Variants in ERCC6L2 observed in about 807,000 individuals in gnomAD.
ERCC6L2 encodes the protein DNA excision repair protein ERCC-6-like 2.
In ERCC6L2, 77 loss-of-function variants were observed where a neutral mutation model predicts 132.0. The observed-to-expected ratio is 0.58, with a 90% CI of 0.49 to 0.71. The LOEUF is 0.71. Among genes scored for constraint, ERCC6L2 ranks in the 30% least tolerant of loss-of-function variants. The pLI is 0.00. For synonymous variants in ERCC6L2, 583 were observed against 632.4 expected (o/e 0.92, Z 1.17); for missense variants, 1,542 against 1,837.6 (o/e 0.84, Z 2.94).
At chr9:96,030,143 G>A (rs971923436) in intron 19 of ERCC6L2, among the ~76,000 whole-genome samples, 9 of 152,116 alleles carry the variant, frequency 5.9e-5, no homozygotes, top group South Asian at 2.1e-4. Context: ...TCATCGCTCC[G>A]TGGCTAGCTA....
intron 2 of ERCC6L2, among the ~76,000 whole-genome samples, chr9:95,891,685 C>T (rs1828175302): frequency 6.6e-6 from 1 of 151,958 alleles, no homozygotes; most frequent in African/African-American, 2.4e-5. Context: ...TTTCCTATGC[C>T]TCCACATCAT....
intron 2 of ERCC6L2, among the ~76,000 whole-genome samples, chr9:95,889,776 A>G (rs1157024431): frequency 2.0e-5 from 3 of 152,192 alleles, no homozygotes; most frequent in South Asian, 2.1e-4. Flanking sequence ...CAAGGAATTC[A>G]GTAAATTCTA....
intron 15 of ERCC6L2, among the ~76,000 whole-genome samples, chr9:95,971,197 A>G (rs559684283): frequency 2.0e-5 from 3 of 152,202 alleles, no homozygotes; most frequent in Admixed American, 6.5e-5. Flanking sequence ...GTTTGTTTTT[A>G]GAGTCTTAAC....
chr9:95,938,599 T>G (rs1001782339), intron 11 of ERCC6L2, among the ~76,000 whole-genome samples: 1 of 152,168 alleles, frequency 6.6e-6, no homozygotes, highest in Non-Finnish European at 1.5e-5. Context: ...TTAACTTTCT[T>G]TGCTCTGACA....
intron 17 of ERCC6L2, among the ~76,000 whole-genome samples, chr9:95,986,219 TAGA>T (rs1225402446): frequency 1.3e-5 from 2 of 152,192 alleles, no homozygotes; most frequent in African/African-American, 4.8e-5. Flanking sequence ...GTGCAGGCAA[TAGA>T]ATAACCATCA....
chr9:96,023,219 AG>A (rs1834318768), downstream of ERCC6L2, among the ~76,000 whole-genome samples: 1 of 152,176 alleles, frequency 6.6e-6, no homozygotes, highest in Non-Finnish European at 1.5e-5. Context: ...CAGAGACAAC[AG>A]GACTCTGGAA....
chr9:95,880,844 A>C, intron 1 of ERCC6L2, 25 bp from the exon 2 acceptor site: 1 of 1,566,204 alleles, frequency 6.4e-7, no homozygotes, highest in Admixed American at 2.0e-5. Context: ...TAGCTTTGGA[A>C]ACTTTATTTT....
rs946652520 is a variant in ERCC6L2, at chr9:96,015,028, T to G, written c.*1825T>G. On this transcript the variant is annotated 3_prime_UTR_variant, in exon 19 of 19. Coordinates refer to ENST00000653738, the MANE Select transcript of ERCC6L2 (RefSeq NM_020207.7). ...CATATATGTACAGTTTTTTTTTTTT[T>G]TTTTTTTTTTTTGAGATTGAGTCTC... 1.6e-5 allele frequency among the ~76,000 whole-genome samples: 2 copies of G among 127,494 alleles called. No homozygotes were observed. The highest frequency in any genetic ancestry group is 2.2e-4 in the East Asian group (1 of 4,546). 83.6% of individuals were successfully genotyped at this position (127,494 alleles called of 152,430 possible).
intron 12 of ERCC6L2, among the ~76,000 whole-genome samples, chr9:95,946,678 A>G (rs2132917154): frequency 1.3e-5 from 2 of 152,330 alleles, no homozygotes; most frequent in Admixed American, 1.3e-4. Context: ...TTCACAGATA[A>G]TTGCCTTGTT....
At chr9:95,943,484 G>C (rs979577919) in intron 12 of ERCC6L2, among the ~76,000 whole-genome samples, 9 of 152,066 alleles carry the variant, frequency 5.9e-5, no homozygotes, top group African/African-American at 2.2e-4. Context: ...TGTTTATGTA[G>C]ATGTAGAATG....
At chr9:95,879,238 C>T (rs953299784) in intron 1 of ERCC6L2, among the ~76,000 whole-genome samples, 2 of 152,158 alleles carry the variant, frequency 1.3e-5, no homozygotes, top group Non-Finnish European at 2.9e-5. Flanking sequence ...CTTTGATTTG[C>T]ATTTCTCTGA....
At chr9:95,900,190 C>T (rs930223684) in intron 3 of ERCC6L2, among the ~76,000 whole-genome samples, 5 of 151,848 alleles carry the variant, frequency 3.3e-5, no homozygotes, top group African/African-American at 7.3e-5. Flanking sequence ...GACCGGCCTG[C>T]GCACCATAAG....
At chr9:95,928,940 C>A in intron 11 of ERCC6L2, 76 bp downstream of exon 11, 4 of 1,159,046 alleles carry the variant, frequency 3.5e-6, no homozygotes, top group Middle Eastern at 2.9e-4. Flanking sequence ...AAAACTATTA[C>A]TGGATTAATT....
intron 5 of ERCC6L2, 104 bp downstream of exon 5, chr9:95,915,933 T>A: frequency 8.6e-7 from 1 of 1,167,578 alleles, no homozygotes; most frequent in Non-Finnish European, 1.2e-6. Context: ...GTCATTTGTC[T>A]GGTTTTAGAT....
chr9:95,965,809 C>T (rs751123269), intron 13 of ERCC6L2, among the ~76,000 whole-genome samples: 5 of 152,150 alleles, frequency 3.3e-5, no homozygotes, highest in Non-Finnish European at 5.9e-5. Flanking sequence ...TTGCACCCGG[C>T]CCTTAAGCAT....
chr9:95,990,012 CAG>C (rs1833235887), intron 17 of ERCC6L2, among the ~76,000 whole-genome samples: 1 of 152,114 alleles, frequency 6.6e-6, no homozygotes, highest in South Asian at 2.1e-4. Context: ...CATTGGACAA[CAG>C]AGAGCAGTAA....
At chr9:95,890,815 C>T (rs985599525) in intron 2 of ERCC6L2, among the ~76,000 whole-genome samples, 3 of 152,168 alleles carry the variant, frequency 2.0e-5, no homozygotes, top group Middle Eastern at 3.4e-3. Context: ...ACTACAGATG[C>T]GCACTACCAG....
At chr9:95,899,598 A>ATGTGTGTGTG (rs763050798) in intron 3 of ERCC6L2, among the ~76,000 whole-genome samples, 74 of 113,264 alleles carry the variant, frequency 6.5e-4, no homozygotes, top group Middle Eastern at 4.7e-3. Flanking sequence ...CTTTATATAT[A>ATGTGTGTGTG]TATGTGTGTG....
At chr9:95,914,068 G>A (rs572729189) in intron 4 of ERCC6L2, among the ~76,000 whole-genome samples, 96 of 152,218 alleles carry the variant, frequency 6.3e-4, no homozygotes, top group African/African-American at 2.3e-3. Flanking sequence ...TTAAGAAACC[G>A]CCATCTGTTT....
Sources: gnomAD v4.1 joint callset for allele counts (sites outside exome capture counted in the v4.1 genomes callset) on GRCh38, gnomAD v4.1.1 for gene constraint, MANE v1.5 for transcripts, NCBI Gene and HGNC (gene_info 2026-07-23, HGNC 2026-07-21) for gene names.